Variants in TENM3 observed in about 807,000 individuals in gnomAD.
TENM3 encodes the protein teneurin transmembrane protein 3, also known as teneurin-3.
Under a neutral mutation model 255.1 loss-of-function variants are expected in TENM3, and 63 were observed. That is an observed-to-expected ratio of 0.25 (90% CI 0.20 to 0.30). The LOEUF is 0.30. Ranked by LOEUF, TENM3 falls within the 10% of genes least tolerant of loss-of-function variation. The pLI is 1.00. For missense variants in TENM3, 2,929 were observed against 3,461.1 expected (o/e 0.85, Z 3.86); for synonymous variants, 1,306 against 1,322.3 (o/e 0.99, Z 0.27).
chr4:181,571,668 T>C, the TENM3 span, among the ~76,000 whole-genome samples: 1 of 152,218 alleles, frequency 6.6e-6, no homozygotes, highest in African/African-American at 2.4e-5. Flanking sequence ...ACAACATTTT[T>C]TGTTATTGAT....
At chr4:182,136,146 G>T in the TENM3 span, among the ~76,000 whole-genome samples, 1 of 151,582 alleles carries the variant, frequency 6.6e-6, no homozygotes, top group African/African-American at 2.4e-5. Context: ...TGGAAAGCTG[G>T]TATGGAAAAA....
the TENM3 span, among the ~76,000 whole-genome samples, chr4:182,015,539 A>G: frequency 6.6e-6 from 1 of 150,506 alleles, no homozygotes; most frequent in African/African-American, 2.5e-5. Context: ...TTTTTAATTC[A>G]TGATTTTAAT....
At chr4:182,325,917 A>G (rs570036615) in intron 2 of TENM3, among the ~76,000 whole-genome samples, 3 of 152,158 alleles carry the variant, frequency 2.0e-5, no homozygotes, top group Admixed American at 6.5e-5. Context: ...GGTTAAAAAT[A>G]GCGCACTGAA....
At chr4:182,089,828 A>G in the TENM3 span, among the ~76,000 whole-genome samples, 1 of 152,284 alleles carries the variant, frequency 6.6e-6, no homozygotes, top group African/African-American at 2.4e-5. Context: ...AGTGTCCATT[A>G]CTAATTATTA....
At position 182,262,948 on chromosome 4, in the gene TENM3, C is replaced by T. The variant is rs372077794; in HGVS notation, c.-76+19472C>T. 1.1e-4 allele frequency among the ~76,000 whole-genome samples: 17 copies of T among 152,172 alleles called. No homozygotes were observed. The East Asian group carries it at 2.1e-3, about 19-fold the overall frequency. Reference sequence around the variant, plus strand: ...CAGGATGGTCTCGATCTCCTGACCTCGTGATCCGCCTGCCTCGGCCTCCCT... The same window carrying T: ...CAGGATGGTCTCGATCTCCTGACCTTGTGATCCGCCTGCCTCGGCCTCCCT... On this transcript the variant is annotated intron_variant, in intron 1 of 27. Transcript: ENST00000511685.
chr4:181,817,502 C>G, the TENM3 span, among the ~76,000 whole-genome samples: 1 of 152,168 alleles, frequency 6.6e-6, no homozygotes, highest in African/African-American at 2.4e-5. Flanking sequence ...TAACCCACAC[C>G]TAGAGATGAA....
chr4:182,380,536 C>A (rs1767493727), intron 3 of TENM3, among the ~76,000 whole-genome samples: 1 of 152,134 alleles, frequency 6.6e-6, no homozygotes, highest in Non-Finnish European at 1.5e-5. Context: ...AAGTATAATG[C>A]ACTTATATGT....
In TENM3 at chr4:182,722,892, G is replaced by T. The variant is rs377141880; in HGVS notation, c.2369-6073G>T. Reference sequence around the variant, plus strand: ...TTGAGATGAAGAAAAGAAGCAACTGGTGATTGATTAGGTGCCAGAAAAAGG... The same window carrying T: ...TTGAGATGAAGAAAAGAAGCAACTGTTGATTGATTAGGTGCCAGAAAAAGG... On this transcript the variant is annotated intron_variant, in intron 13 of 27. Coordinates refer to ENST00000511685, the MANE Select transcript of TENM3 (RefSeq NM_001080477.4). Among the ~76,000 whole-genome samples the T allele has an allele frequency of 2.0e-4, 30 of 152,268 alleles. No individual in the cohort carries two copies. In the East Asian group the frequency reaches 5.6e-3, roughly 28 times the overall value.
chr4:182,638,207 C>T (rs1050023435), intron 5 of TENM3, among the ~76,000 whole-genome samples: 2 of 151,920 alleles, frequency 1.3e-5, no homozygotes, highest in African/African-American at 2.4e-5. Flanking sequence ...TTTCAGATAA[C>T]GTACATGCAT....
chr4:182,308,634 C>G (rs1762269265), intron 1 of TENM3, among the ~76,000 whole-genome samples: 1 of 152,142 alleles, frequency 6.6e-6, no homozygotes, highest in African/African-American at 2.4e-5. Flanking sequence ...GCCGCTGTGC[C>G]CAACCTATGC....
chr4:182,388,437 C>T (rs142932872), intron 3 of TENM3, among the ~76,000 whole-genome samples: 68 of 152,274 alleles, frequency 4.5e-4, no homozygotes, highest in African/African-American at 1.3e-3. Context: ...CTTTTGAATC[C>T]TTATTTTGTT....
the TENM3 span, among the ~76,000 whole-genome samples, chr4:181,890,870 G>A: frequency 1.3e-5 from 2 of 152,128 alleles, no homozygotes; most frequent in African/African-American, 2.4e-5. Context: ...GACCATCACA[G>A]TGCCCTAAAT....
At chr4:181,947,346 G>C in the TENM3 span, among the ~76,000 whole-genome samples, 289 of 152,232 alleles carry the variant, frequency 1.9e-3, 1 homozygote, top group Non-Finnish European at 3.0e-3. Context: ...CATTAGAAAA[G>C]ACAGATTTAT....
At chr4:181,783,076 G>A in the TENM3 span, among the ~76,000 whole-genome samples, 4 of 152,310 alleles carry the variant, frequency 2.6e-5, no homozygotes, top group East Asian at 7.7e-4. Flanking sequence ...GCGATGTGGT[G>A]CTGAGAAGAA....
chr4:182,211,952 A>G (rs946329263), intron 1 of TENM3, among the ~76,000 whole-genome samples: 1 of 152,184 alleles, frequency 6.6e-6, no homozygotes, highest in Admixed American at 6.5e-5. Flanking sequence ...CATGGAAAGT[A>G]CGTAGCCCAG....
intron 19 of TENM3, among the ~76,000 whole-genome samples, chr4:182,744,644 A>G (rs1388232250): frequency 6.6e-6 from 1 of 152,230 alleles, no homozygotes; most frequent in Non-Finnish European, 1.5e-5. Context: ...TTATGTGAAC[A>G]TGTGGCTTGG....
chr4:181,832,227 T>G, the TENM3 span, among the ~76,000 whole-genome samples: 1 of 152,052 alleles, frequency 6.6e-6, no homozygotes, highest in Non-Finnish European at 1.5e-5. Context: ...CCCCAAGAGC[T>G]GCGTACAAGG....
chr4:181,910,131 G>C, the TENM3 span, among the ~76,000 whole-genome samples: 1 of 152,030 alleles, frequency 6.6e-6, no homozygotes. Flanking sequence ...TTCTAAGTTG[G>C]TCATTTTATC....
At chr4:182,428,366 G>T (rs904347564) in intron 3 of TENM3, among the ~76,000 whole-genome samples, 1 of 152,062 alleles carries the variant, frequency 6.6e-6, no homozygotes, top group African/African-American at 2.4e-5. Flanking sequence ...GATGCCATAG[G>T]TACCTCACTG....
Sources: allele counts gnomAD v4.1 joint callset (sites outside exome capture counted in the v4.1 genomes callset), GRCh38; gene constraint gnomAD v4.1.1; transcripts MANE v1.5; gene names NCBI Gene and HGNC (gene_info 2026-07-23, HGNC 2026-07-21).